Variants in CHRNA1 observed in about 807,000 individuals in gnomAD.
The protein encoded by CHRNA1 is acetylcholine receptor subunit alpha.
A neutral mutation model predicts 47.1 loss-of-function variants in CHRNA1; 35 were observed. The observed-to-expected ratio is 0.74, with a 90% CI of 0.57 to 0.99. CHRNA1 has a LOEUF of 0.99. Among genes scored for constraint, CHRNA1 ranks in the 50% least tolerant of loss-of-function variants. The pLI is 0.00. For missense variants in CHRNA1, 506 were observed against 591.1 expected (o/e 0.86, Z 1.49); for synonymous variants, 229 against 223.6 (o/e 1.02, Z -0.22).
intron 1 of CHRNA1, among the ~76,000 whole-genome samples, chr2:174,761,119 C>G (rs1684092893): frequency 6.6e-6 from 1 of 152,170 alleles, no homozygotes; most frequent in African/African-American, 2.4e-5. Context: ...GTGTTGTGAG[C>G]TGTCCTGGAA....
intron 6 of CHRNA1, 123 bp downstream of exon 6, chr2:174,753,380 C>T: frequency 1.0e-6 from 1 of 993,252 alleles, no homozygotes; most frequent in Non-Finnish European, 1.6e-6. Context: ...AATGCACCCT[C>T]CTAATGATGA....
In CHRNA1 at chr2:174,748,052, C is replaced by T; in HGVS notation, c.*72G>A. 5 of 1,593,572 alleles carry T rather than the reference C, an allele frequency of 3.1e-6. No individual in the cohort carries two copies. Among genetic ancestry groups the T allele is most frequent in the Non-Finnish European group, 4.3e-6 (5 of 1,165,350 alleles). ...GATAAGTGCGAGTGGAGCAAGTAGA[C>T]AAATCTTCCTCTCCTGCCCTTCTCT... On this transcript the variant is annotated 3_prime_UTR_variant, in exon 9 of 9. Transcript: ENST00000348749.
chr2:174,756,623 C>T (rs1405672231), intron 4 of CHRNA1, among the ~76,000 whole-genome samples: 1 of 152,192 alleles, frequency 6.6e-6, no homozygotes, highest in Admixed American at 6.5e-5. Context: ...CTGAAAGATA[C>T]TTCATCAGCC....
intron 1 of CHRNA1, among the ~76,000 whole-genome samples, chr2:174,764,118 A>G (rs932713910): frequency 1.3e-5 from 2 of 152,172 alleles, no homozygotes; most frequent in African/African-American, 4.8e-5. Flanking sequence ...ATGCGTGTCT[A>G]TCTTGAAGTC....
intron 4 of CHRNA1, among the ~76,000 whole-genome samples, chr2:174,755,328 AC>A: frequency 6.6e-6 from 1 of 152,050 alleles, no homozygotes; most frequent in South Asian, 2.1e-4. Context: ...GGAAGGTGCC[AC>A]CTTGCAGTGT....
At chr2:174,752,829 C>G (rs7589289) in intron 6 of CHRNA1, 10,196 of 151,284 alleles carry the variant, frequency 0.067, 1,162 homozygotes, top group African/African-American at 0.24. Flanking sequence ...TAGCATCTTT[C>G]TTTTTTTCAA....
chr2:174,764,018 T>G (rs990654850), intron 1 of CHRNA1, among the ~76,000 whole-genome samples: 4 of 152,284 alleles, frequency 2.6e-5, no homozygotes, highest in Non-Finnish European at 5.9e-5. Flanking sequence ...CCCCGGACAC[T>G]ACCATGATCC....
At chr2:174,763,512 A>G (rs1684136177) in intron 1 of CHRNA1, among the ~76,000 whole-genome samples, 1 of 152,226 alleles carries the variant, frequency 6.6e-6, no homozygotes, top group Admixed American at 6.5e-5. Flanking sequence ...GCAATATTGG[A>G]AATGAAAAAT....
intron 7 of CHRNA1, among the ~76,000 whole-genome samples, chr2:174,749,141 C>A (rs923896953): frequency 6.6e-6 from 1 of 152,182 alleles, no homozygotes; most frequent in Non-Finnish European, 1.5e-5. Context: ...ATGGAAAATG[C>A]CTTAGCAATG....
At chr2:174,749,894 G>A in intron 7 of CHRNA1, 52 bp downstream of exon 7, 2 of 1,490,062 alleles carry the variant, frequency 1.3e-6, no homozygotes, top group South Asian at 2.3e-5. Flanking sequence ...CCTCGAAGGG[G>A]AGGCCTGTAG....
intron 5 of CHRNA1, 83 bp downstream of exon 5, chr2:174,754,136 G>T: frequency 8.0e-7 from 1 of 1,254,272 alleles, no homozygotes; most frequent in Non-Finnish European, 1.2e-6. Context: ...GGTACTGAGA[G>T]CCTATGATTG....
chr2:174,754,677 C>G (rs1444036289), intron 4 of CHRNA1, among the ~76,000 whole-genome samples: 1 of 151,878 alleles, frequency 6.6e-6, no homozygotes, highest in Non-Finnish European at 1.5e-5. Context: ...ATGTGGGAAC[C>G]CACAGTTTTA....
rs1484346877 is a variant in CHRNA1 at position 174,757,487 on chromosome 2, G to A, written c.344+79C>T. 33 of 993,716 alleles carry A rather than the reference G, an allele frequency of 3.3e-5. No homozygotes were observed. In the African/African-American group the frequency reaches 3.5e-4, roughly 11 times the overall value. The allele number at this position is 993,716 out of a possible 1,614,324, so 61.6% of individuals were successfully genotyped here. On this transcript the variant is annotated intron_variant, in intron 4 of 8. Transcript: ENST00000348749. Reference sequence around the variant, plus strand: ...CATTAGCAGTGGTGAGAAGCATTCCGAGCGCGCAGCCCTTCTATTAGGGCA... The same window carrying A: ...CATTAGCAGTGGTGAGAAGCATTCCAAGCGCGCAGCCCTTCTATTAGGGCA...
At chr2:174,755,720 C>T (rs1683969910) in intron 4 of CHRNA1, among the ~76,000 whole-genome samples, 1 of 152,046 alleles carries the variant, frequency 6.6e-6, no homozygotes, top group South Asian at 2.1e-4. Flanking sequence ...CCCAGTGAAA[C>T]GTAGATTTTT....
chr2:174,747,792 T>G lies in CHRNA1; in HGVS notation c.*332A>C, dbSNP rs966807827. Reference sequence around the variant, plus strand: ...TGGTTAGACAAAATAAGTAAATATATAAATATAACAGCAATGACAATGCAA... The same window carrying G: ...TGGTTAGACAAAATAAGTAAATATAGAAATATAACAGCAATGACAATGCAA... On this transcript the variant is annotated 3_prime_UTR_variant, in exon 9 of 9. Transcript: ENST00000348749. 9.1e-6 allele frequency: 3 copies of G among 330,508 alleles called. No homozygotes were observed. The highest frequency in any genetic ancestry group is 2.1e-5 in the African/African-American group (1 of 46,668). The allele number at this position is 330,508 out of a possible 1,614,324, so 20.5% of individuals were successfully genotyped here. A position where few individuals can be genotyped will look rare whatever the true frequency, so the allele number is the denominator to read the frequency against.
intron 1 of CHRNA1, among the ~76,000 whole-genome samples, 172 bp downstream of exon 1, chr2:174,764,180 A>G (rs1003007036): frequency 6.6e-6 from 1 of 152,230 alleles, no homozygotes; most frequent in Admixed American, 6.5e-5. Flanking sequence ...AAAAATCTTT[A>G]TCCAAAAACT....
chr2:174,757,999 G>A (rs75536736), intron 3 of CHRNA1: 156 of 1,613,786 alleles, frequency 9.7e-5, no homozygotes, highest in African/African-American at 9.5e-4. Flanking sequence ...CAGCTGGGGC[G>A]TGGCAGATCT....
At chr2:174,757,434 G>A (rs1228717794) in intron 4 of CHRNA1, 132 bp downstream of exon 4, 4 of 687,266 alleles carry the variant, frequency 5.8e-6, no homozygotes, top group South Asian at 1.5e-5. Context: ...GAGTTTACAG[G>A]TGTGAGCCAC....
intron 5 of CHRNA1, among the ~76,000 whole-genome samples, 191 bp from the exon 6 acceptor site, chr2:174,753,931 A>T (rs985063986): frequency 6.6e-6 from 1 of 152,168 alleles, no homozygotes; most frequent in African/African-American, 2.4e-5. Context: ...GACTAGTAGC[A>T]TTCTCCATTT....
Sources: gnomAD v4.1 joint callset for allele counts (sites outside exome capture counted in the v4.1 genomes callset) on GRCh38, gnomAD v4.1.1 for gene constraint, MANE v1.5 for transcripts, NCBI Gene and HGNC (gene_info 2026-07-23, HGNC 2026-07-21) for gene names.